COL7A1: variants seen among roughly 807,000 people sequenced by gnomAD.
The protein encoded by COL7A1 is collagen alpha-1(VII) chain.
COL7A1 carries 296 observed loss-of-function variants against 456.2 expected under a neutral mutation model. That is an observed-to-expected ratio of 0.65 (90% CI 0.59 to 0.71). The LOEUF (loss-of-function observed/expected upper bound fraction) is 0.71, where lower values mean the gene tolerates loss of function less well. COL7A1 is among the 30% of genes least tolerant of loss of function. COL7A1 has a pLI of 0.00. For missense variants in COL7A1, 3,441 were observed against 4,017.2 expected, an observed-to-expected ratio of 0.86 and a Z score of 3.88; for synonymous variants, 1,464 against 1,525.9, an observed-to-expected ratio of 0.96 and a Z score of 0.95.
rs1575428208 is a variant in COL7A1 at position 48,571,721 on chromosome 3, C to T, written c.7068+280G>A. On this transcript the variant is annotated intron_variant, in intron 92 of 118. Coordinates refer to ENST00000681320, the MANE Select transcript of COL7A1 (RefSeq NM_000094.4). The surrounding 1 kb of genome is among the most constrained non-coding windows in gnomAD (Gnocchi z 4.6). ...GAGGTTCACAAGAACTCAGGTGTGT[C>T]CTGGGATCTGGGAGATCAGACCAGA... The T allele has an allele frequency of 1.6e-6, 1 of 640,496 alleles. No homozygotes were observed. The highest frequency in any genetic ancestry group is 2.9e-6 in the Non-Finnish European group (1 of 345,770). 39.7% of individuals were successfully genotyped at this position (640,496 alleles called of 1,614,324 possible). A position where few individuals can be genotyped will look rare whatever the true frequency, so the allele number is the denominator to read the frequency against.
chr3:48,578,785 A>T lies in COL7A1; in HGVS notation c.5424+134T>A. 1.1e-6 allele frequency: 1 copy of T among 931,656 alleles called. No individual in the cohort carries two copies. The highest frequency in any genetic ancestry group is 1.6e-6 in the Non-Finnish European group (1 of 630,574). 57.7% of individuals were successfully genotyped at this position (931,656 alleles called of 1,614,324 possible). On this transcript the variant is annotated intron_variant, in intron 63 of 118. Coordinates refer to ENST00000681320, the MANE Select transcript of COL7A1 (RefSeq NM_000094.4). This position sits in a 1 kb window ranked among gnomAD's most constrained non-coding sequence, Gnocchi z 4.7. Reference sequence around the variant, plus strand: ...GGGATTCTACTAAAACCTGTGTGCCAGGGACTGAGACCCTCCCAAAGGCAA... The same window carrying T: ...GGGATTCTACTAAAACCTGTGTGCCTGGGACTGAGACCCTCCCAAAGGCAA...
chr3:48,579,959 AG>A lies in COL7A1; in HGVS notation c.5124+71del. The A allele has an allele frequency of 6.2e-7, 1 of 1,608,848 alleles. No individual in the cohort carries two copies. The highest frequency in any genetic ancestry group is 8.5e-7 in the Non-Finnish European group (1 of 1,175,302). On this transcript the variant is annotated intron_variant, in intron 57 of 118. Coordinates refer to ENST00000681320, the MANE Select transcript of COL7A1 (RefSeq NM_000094.4). This position sits in a 1 kb window ranked among gnomAD's most constrained non-coding sequence, Gnocchi z 4.4. ...GAAGTGGGAGTTAGTGGAAGGAATG[AG>A]GGGACATGATGTGGAGCCAAAGGGG...
rs2045767831 is a variant in COL7A1, at chr3:48,592,367, T to C, written c.1077A>G (p.Thr359=). The change falls in exon 9 of 119, where the codon ACA becomes ACG. Residue 359 remains threonine, a synonymous_variant. Transcript: ENST00000681320. This position sits in a 1 kb window ranked among gnomAD's most constrained non-coding sequence, Gnocchi z 7.6. ...CTCACTCACCACTGAGGACCCGCCA[T>C]GTCACACGGTAGCCAGTGGCACCTG... The part of the protein sequence containing the change: ...SVPGATGYRV[T]WRVLSGGPTQ... 6.2e-7 allele frequency: 1 copy of C among 1,613,596 alleles called. No individual in the cohort carries two copies.
Position 48,564,980 on chromosome 3 carries a change from T to C in COL7A1, c.8621A>G (p.Asp2874Gly). ...CTCATCCAGTGGCAGGGAACAGGGG[T>C]CTGGGCCAATGGGGTCAAGTCAGCA... is the stretch of plus-strand genomic sequence containing the variant. Reference protein sequence around the residue: ...QDPEAPWDSDDPCSLPLDEGS... With the variant: ...QDPEAPWDSDGPCSLPLDEGS... The change falls in exon 118 of 119, where the codon GAC becomes GGC. Residue 2874 changes from aspartate to glycine, a missense_variant and splice_region_variant. Coordinates refer to ENST00000681320, the MANE Select transcript of COL7A1 (RefSeq NM_000094.4). The surrounding 1 kb of genome is among the most constrained non-coding windows in gnomAD (Gnocchi z 6.0). 3 of 1,613,708 alleles carry C rather than the reference T, an allele frequency of 1.9e-6. No homozygotes were observed. The highest frequency in any genetic ancestry group is 2.5e-6 in the Non-Finnish European group (3 of 1,179,880).
Position 48,585,206 on chromosome 3 carries a change from G to T in COL7A1, c.3895-90C>A. On this transcript the variant is annotated intron_variant, in intron 32 of 118. Transcript: ENST00000681320. The surrounding 1 kb of genome is among the most constrained non-coding windows in gnomAD (Gnocchi z 4.5). ...GGCCTCACCCCATCAACAAGGGGTC[G>T]CCTACCCCACTGACCCCCAAGTGTT... is the stretch of plus-strand genomic sequence containing the variant. 1 of 1,304,876 alleles carries T rather than the reference G, an allele frequency of 7.7e-7. No individual in the cohort carries two copies. The highest frequency in any genetic ancestry group is 1.2e-5 in the South Asian group (1 of 80,984). The allele number at this position is 1,304,876 out of a possible 1,614,324, so 80.8% of individuals were successfully genotyped here. A position where few individuals can be genotyped will look rare whatever the true frequency, so the allele number is the denominator to read the frequency against.
chr3:48,572,847 C>T lies in COL7A1; in HGVS notation c.6831+15G>A. 1 of 1,614,004 alleles carries T rather than the reference C, an allele frequency of 6.2e-7. No individual in the cohort carries two copies. The highest frequency in any genetic ancestry group is 8.5e-7 in the Non-Finnish European group (1 of 1,179,954). On this transcript the variant is annotated intron_variant, in intron 87 of 118. Transcript: ENST00000681320. This position sits in a 1 kb window ranked among gnomAD's most constrained non-coding sequence, Gnocchi z 4.6. Reference sequence around the variant, plus strand: ...TGGGCACCACACCCTAGCGAGCTGCCCCCAGAACACATACTGGCACACCAG... The same window carrying T: ...TGGGCACCACACCCTAGCGAGCTGCTCCCAGAACACATACTGGCACACCAG...
rs542385825 is a variant in COL7A1, at chr3:48,583,309, T to C, written c.4437+84A>G. On this transcript the variant is annotated intron_variant, in intron 42 of 118. Transcript: ENST00000681320. This position sits in a 1 kb window ranked among gnomAD's most constrained non-coding sequence, Gnocchi z 5.1. ...ACCTCTGACCTGGAGGGAACTCTTA[T>C]CTCCTTATCTTCCAGCCTCCCCTAA... 8.1e-6 allele frequency: 13 copies of C among 1,609,066 alleles called. No homozygotes were observed. The highest frequency in any genetic ancestry group is 9.4e-6 in the Non-Finnish European group (11 of 1,175,938).
At position 48,574,198 on chromosome 3, in the gene COL7A1, C is replaced by T. The variant is rs1313691821; in HGVS notation, c.6501+64G>A. ...ACACACACACAGACATGCACACACA[C>T]AGCAGCAGCAGCACCTAGCGGAGGG... On this transcript the variant is annotated intron_variant, in intron 80 of 118. Transcript: ENST00000681320. This position sits in a 1 kb window ranked among gnomAD's most constrained non-coding sequence, Gnocchi z 5.0. 4 of 1,561,418 alleles carry T rather than the reference C, an allele frequency of 2.6e-6. No homozygotes were observed. The highest frequency in any genetic ancestry group is 1.7e-4 in the Middle Eastern group (1 of 6,006).
Position 48,592,084 on chromosome 3 carries a change from A to AG in COL7A1, c.1240+17dup. 1 of 1,614,138 alleles carries AG rather than the reference A, an allele frequency of 6.2e-7. No homozygotes were observed. ...TGCCTGCCCGTCCCAGCCTGAAGAA[A>AG]GTGCCCAGCCTTCTCACCAGTGCGA... On this transcript the variant is annotated intron_variant, in intron 10 of 118. Transcript: ENST00000681320. The surrounding 1 kb of genome is among the most constrained non-coding windows in gnomAD (Gnocchi z 7.6).
At position 48,592,919 on chromosome 3, in the gene COL7A1, A is replaced by G. The variant is rs1394936224; in HGVS notation, c.702T>C (p.Ala234=). 6.2e-7 allele frequency: 1 copy of G among 1,613,740 alleles called. No homozygotes were observed. Among genetic ancestry groups the G allele is most frequent in the Non-Finnish European group, 8.5e-7 (1 of 1,179,994 alleles). ...VTRPPDDSTS[A]PRDLVLSEPS... is the part of the protein sequence containing the mutation. Reference sequence around the variant, plus strand: ...GCTCAGACAGCACCAGGTCTCGTGGAGCAGAGGTCGAGTCATCCGCTGGGA... The same window carrying G: ...GCTCAGACAGCACCAGGTCTCGTGGGGCAGAGGTCGAGTCATCCGCTGGGA... Residue 234 remains alanine (A), a synonymous_variant, in exon 7 of 119, where the codon GCT becomes GCC. Transcript: ENST00000681320. The surrounding 1 kb of genome is among the most constrained non-coding windows in gnomAD (Gnocchi z 7.6).
In COL7A1 at chr3:48,572,475, C is replaced by T. The variant is rs377224756; in HGVS notation, c.6936+28G>A. The stretch of plus-strand genomic sequence containing the variant: ...CCTTGGCCCCCACCAGTTGACCCCC[C>T]CTCACTGGCAGCCCCACACACACTC... On this transcript the variant is annotated intron_variant, in intron 89 of 118. Transcript: ENST00000681320. The surrounding 1 kb of genome is among the most constrained non-coding windows in gnomAD (Gnocchi z 4.6). The T allele has an allele frequency of 5.6e-6, 9 of 1,613,906 alleles. No individual in the cohort carries two copies. The East Asian group carries it at 1.3e-4, about 24-fold the overall frequency.
intron 35 of COL7A1, 40 bp from the exon 36 acceptor site, chr3:48,584,596 G>C (rs369853060): frequency 1.2e-6 from 2 of 1,613,532 alleles, no homozygotes; most frequent in Non-Finnish European, 1.7e-6. Flanking sequence ...TCAGGCTATG[G>C]GGGCCTTGAG....
rs1575471702 is a variant in COL7A1, at chr3:48,586,008, T to C, written c.3724-33A>G. The C allele has an allele frequency of 1.2e-6, 2 of 1,613,644 alleles. No homozygotes were observed. Among genetic ancestry groups the C allele is most frequent in the South Asian group, 1.1e-5 (1 of 91,084 alleles). The stretch of plus-strand genomic sequence containing the variant: ...CATAGGGTCTCTTTGAGGTTGAACA[T>C]TTCTACCAAGAACCCCCAGACCCCT... On this transcript the variant is annotated intron_variant, in intron 28 of 118. Transcript: ENST00000681320. This position sits in a 1 kb window ranked among gnomAD's most constrained non-coding sequence, Gnocchi z 5.1.
Position 48,573,472 on chromosome 3 carries a change from T to C in COL7A1, c.6618+41A>G. The C allele has an allele frequency of 1.9e-6, 3 of 1,613,792 alleles. No individual in the cohort carries two copies. The highest frequency in any genetic ancestry group is 2.5e-6 in the Non-Finnish European group (3 of 1,179,808). ...ACACTACCCCAGGCATGGACACAGC[T>C]TGAAGGAGCCTCCTCCTCCTATCCA... On this transcript the variant is annotated intron_variant, in intron 83 of 118. Coordinates refer to ENST00000681320, the MANE Select transcript of COL7A1 (RefSeq NM_000094.4). The surrounding 1 kb of genome is among the most constrained non-coding windows in gnomAD (Gnocchi z 5.5).
chr3:48,576,588 A>C, intron 68 of COL7A1, 31 bp from the exon 69 acceptor site: 1 of 1,601,538 alleles, frequency 6.2e-7, no homozygotes, highest in East Asian at 2.3e-5. Context: ...AAGGGGTCAC[A>C]AAGGCCCATG....
In COL7A1 at chr3:48,581,083, G is replaced by C. The variant is rs1300111661; in HGVS notation, c.4935+39C>G. 1.9e-6 allele frequency: 3 copies of C among 1,612,324 alleles called. No homozygotes were observed. The highest frequency in any genetic ancestry group is 2.2e-5 in the South Asian group (2 of 91,026). ...CCAGCCTACTGGGATCCTAGTTCAA[G>C]GGTAAAGGATCAGAAACCACAGTGG... On this transcript the variant is annotated intron_variant, in intron 53 of 118. Transcript: ENST00000681320. This position sits in a 1 kb window ranked among gnomAD's most constrained non-coding sequence, Gnocchi z 5.8.
chr3:48,590,871 G>A lies in COL7A1; in HGVS notation c.1637-55C>T, dbSNP rs917665058. ...GGGTCAGAAAGAGACAGGGATGTGG[G>A]ACGATGGCAGTGATGGACAGGGACG... On this transcript the variant is annotated intron_variant, in intron 13 of 118. Transcript: ENST00000681320. This position sits in a 1 kb window ranked among gnomAD's most constrained non-coding sequence, Gnocchi z 4.6. The A allele has an allele frequency of 3.3e-5, 53 of 1,582,690 alleles. No individual in the cohort carries two copies. The highest frequency in any genetic ancestry group is 4.1e-5 in the Non-Finnish European group (48 of 1,163,288).
At chr3:48,589,994 G>A (rs1296480880) in intron 16 of COL7A1, among the ~76,000 whole-genome samples, 1 of 152,070 alleles carries the variant, frequency 6.6e-6, no homozygotes, top group African/African-American at 2.4e-5. Context: ...CAAAGGCTGT[G>A]GGAGTCTTAG....
chr3:48,571,213 C>T lies in COL7A1; in HGVS notation c.7104+30G>A, dbSNP rs368661110. The stretch of plus-strand genomic sequence containing the variant: ...GCTCAGGGAGTCTCACGACCAGGAC[C>T]CCAGCAGGGACCCTTCTGGGTACAC... On this transcript the variant is annotated intron_variant, in intron 93 of 118. Transcript: ENST00000681320. This position sits in a 1 kb window ranked among gnomAD's most constrained non-coding sequence, Gnocchi z 4.6. 19 of 1,614,112 alleles carry T rather than the reference C, an allele frequency of 1.2e-5. No individual in the cohort carries two copies. The African/African-American group carries it at 1.5e-4, about 12-fold the overall frequency.
Sources: allele counts gnomAD v4.1 joint callset (sites outside exome capture counted in the v4.1 genomes callset), GRCh38; gene constraint gnomAD v4.1.1; non-coding constraint Gnocchi (gnomAD v3.1); transcripts MANE v1.5; gene names NCBI Gene and HGNC (gene_info 2026-07-23, HGNC 2026-07-21).